PCSK5: variants seen among roughly 807,000 people sequenced by gnomAD.
PCSK5 encodes the protein prohormone convertase 5.
In PCSK5, 129 loss-of-function variants were observed where a neutral mutation model predicts 233.2. That is an observed-to-expected ratio of 0.55 (90% CI 0.48 to 0.64). The LOEUF (loss-of-function observed/expected upper bound fraction) is 0.64. PCSK5 is among the 30% of genes least tolerant of loss of function. PCSK5 has a pLI of 0.00. For synonymous variants in PCSK5, 825 were observed against 879.2 expected, an observed-to-expected ratio of 0.94 and a Z score of 1.09; for missense variants, 2,076 against 2,430.1, an observed-to-expected ratio of 0.85 and a Z score of 3.06.
In PCSK5 at chr9:76,295,306, G is replaced by A. The variant is rs374706228; in HGVS notation, c.3217G>A (p.Glu1073Lys). ...FDHHCYKTCPEKTYSEEVECK... is the reference protein window; with the variant it reads ...FDHHCYKTCPKKTYSEEVECK... ...TCACCATTGTTATAAAACCTGTCCT[G>A]AGAAGACCTACAGTGAGGAAGTGGA... The change falls in exon 26 of 38, where the codon GAG (glutamate) becomes AAG (lysine). Residue 1073 changes from glutamate (E) to lysine (K), a missense_variant. By Grantham distance (56) the Glu-to-Lys change is moderately conservative. Around this residue, in one of 6 missense-constraint regions of PCSK5, gnomAD observed 1,510 missense variants for 1,538.1 expected, o/e 0.98. Coordinates refer to ENST00000674117, the MANE Select transcript of PCSK5 (RefSeq NM_001372043.1). The A allele has an allele frequency of 1.1e-5, 18 of 1,611,712 alleles. No homozygotes were observed. Among genetic ancestry groups the A allele is most frequent in the South Asian group, 9.9e-5 (9 of 90,912 alleles).
intron 24 of PCSK5, among the ~76,000 whole-genome samples, chr9:76,263,777 A>G (rs1200819911): frequency 6.6e-6 from 1 of 151,972 alleles, no homozygotes; most frequent in African/African-American, 2.4e-5. Flanking sequence ...TTAAAGTATA[A>G]TAATAATAAA....
intron 24 of PCSK5, among the ~76,000 whole-genome samples, chr9:76,274,262 C>T (rs531181060): frequency 9.9e-5 from 15 of 152,056 alleles, no homozygotes; most frequent in Admixed American, 5.9e-4. Context: ...TTATGTCTAT[C>T]ACTTATAGAA....
chr9:75,995,777 A>ACACACACT (rs1826993246), intron 3 of PCSK5, among the ~76,000 whole-genome samples: 1 of 146,328 alleles, frequency 6.8e-6, no homozygotes, highest in South Asian at 2.2e-4. Context: ...ACACACACAC[A>ACACACACT]CACACTCACA....
At chr9:76,174,484 G>A (rs1273867085) in intron 13 of PCSK5, among the ~76,000 whole-genome samples, 1 of 150,766 alleles carries the variant, frequency 6.6e-6, no homozygotes, top group Non-Finnish European at 1.5e-5. Flanking sequence ...TTTTTTTTTT[G>A]TATTTTTAGT....
At chr9:76,325,202 A>G (rs1331228663) in intron 32 of PCSK5, among the ~76,000 whole-genome samples, 1 of 152,132 alleles carries the variant, frequency 6.6e-6, no homozygotes, top group African/African-American at 2.4e-5. Context: ...CTGGGAGGTG[A>G]GAGACTCAGC....
chr9:76,047,343 G>A (rs1829457614), intron 5 of PCSK5, among the ~76,000 whole-genome samples: 2 of 152,096 alleles, frequency 1.3e-5, no homozygotes, highest in African/African-American at 4.8e-5. Flanking sequence ...TGATCCGCGC[G>A]CCTCGGCCTC....
chr9:75,901,954 G>A (rs1308074317), intron 1 of PCSK5, among the ~76,000 whole-genome samples: 2 of 152,054 alleles, frequency 1.3e-5, no homozygotes, highest in African/African-American at 2.4e-5. Flanking sequence ...GGTGGCTCAC[G>A]CCTGTAATCC....
In PCSK5 at chr9:75,976,274, C is replaced by CCACACACA. The variant is rs10562995; in HGVS notation, c.298-9816_298-9809dup. ...CATGTTGGGTGCATACACACAGACA[C>CCACACACA]CACACACACACACACACACACACAC... On this transcript the variant is annotated intron_variant, in intron 2 of 37. Coordinates refer to ENST00000674117, the MANE Select transcript of PCSK5 (RefSeq NM_001372043.1). Among the ~76,000 whole-genome samples the CCACACACA allele has an allele frequency of 3.8e-3, 539 of 141,570 alleles. 2 individuals carry two copies. Among genetic ancestry groups the CCACACACA allele is most frequent in the African/African-American group, 0.012 (447 of 37,142 alleles). The allele number at this position is 141,570 out of a possible 152,430, so 92.9% of individuals were successfully genotyped here. A position where few individuals can be genotyped will look rare whatever the true frequency, so the allele number is the denominator to read the frequency against.
chr9:76,094,269 A>C (rs548280222), intron 7 of PCSK5, among the ~76,000 whole-genome samples: 1 of 151,590 alleles, frequency 6.6e-6, no homozygotes, highest in South Asian at 2.1e-4. Context: ...TTTTCCAGAA[A>C]TTCTAAGACA....
In PCSK5 at chr9:76,362,579, T is replaced by C. The variant is rs1830446707; in HGVS notation, c.*3657T>C. Among the ~76,000 whole-genome samples the C allele has an allele frequency of 6.6e-6, 1 of 152,216 alleles. No individual in the cohort carries two copies. The highest frequency in any genetic ancestry group is 2.4e-5 in the African/African-American group (1 of 41,464). Reference sequence around the variant, plus strand: ...ATCTAAGGGAGGAAACCACCCCTCATATTGTCTTATGCCCAATTTCTGCCT... The same window carrying C: ...ATCTAAGGGAGGAAACCACCCCTCACATTGTCTTATGCCCAATTTCTGCCT... On this transcript the variant is annotated 3_prime_UTR_variant, in exon 38 of 38. Transcript: ENST00000674117.
intron 20 of PCSK5, among the ~76,000 whole-genome samples, chr9:76,216,229 C>T (rs1825526000): frequency 6.6e-6 from 1 of 152,046 alleles, no homozygotes; most frequent in Non-Finnish European, 1.5e-5. Flanking sequence ...CTGGTGGAAC[C>T]CGGCGCTCTA....
rs549721002 is a variant in PCSK5, at chr9:76,270,082, T to C, written c.3143-22151T>C. Among the ~76,000 whole-genome samples, 17 of 152,026 alleles carry C rather than the reference T, an allele frequency of 1.1e-4. No homozygotes were observed. In the East Asian group the frequency reaches 3.3e-3, roughly 29 times the overall value. Reference sequence around the variant, plus strand: ...TCACACAGGATGTCTCTTAGATTTCTTTCTTCTTTTTTTCAGATAACAGGA... The same window carrying C: ...TCACACAGGATGTCTCTTAGATTTCCTTCTTCTTTTTTTCAGATAACAGGA... On this transcript the variant is annotated intron_variant, in intron 24 of 37. Transcript: ENST00000674117.
rs1826342753 is a variant in PCSK5 at position 76,239,002 on chromosome 9, A to G, written c.2910A>G (p.Gly970=). The change falls in exon 23 of 38, where the codon GGA becomes GGG. Residue 970 remains glycine, a synonymous_variant. Coordinates refer to ENST00000674117, the MANE Select transcript of PCSK5 (RefSeq NM_001372043.1). ...REHFLYQGEC[G]DSCPEGHYAT... ...ACTTCCTGTACCAGGGAGAGTGTGGAGATAGCTGCCCAGAGGGCCACTATG... is the reference window on the plus strand; with the variant it reads ...ACTTCCTGTACCAGGGAGAGTGTGGGGATAGCTGCCCAGAGGGCCACTATG... 3 of 1,612,312 alleles carry G rather than the reference A, an allele frequency of 1.9e-6. No individual in the cohort carries two copies. The highest frequency in any genetic ancestry group is 4.5e-5 in the East Asian group (2 of 44,842).
chr9:75,952,518 T>C (rs1824907046), intron 2 of PCSK5, among the ~76,000 whole-genome samples: 1 of 152,188 alleles, frequency 6.6e-6, no homozygotes, highest in Non-Finnish European at 1.5e-5. Flanking sequence ...CTGTTGAATT[T>C]TGACAAATGT....
chr9:76,194,853 G>C lies in PCSK5; in HGVS notation c.2626+5107G>C. Reference sequence around the variant, plus strand: ...GCCATCTTGCAGGCTTCATGCTTCTGAGAGCCTTACTTAGAAGATGCTGCT... The same window carrying C: ...GCCATCTTGCAGGCTTCATGCTTCTCAGAGCCTTACTTAGAAGATGCTGCT... On this transcript the variant is annotated intron_variant, in intron 20 of 37. Coordinates refer to ENST00000674117, the MANE Select transcript of PCSK5 (RefSeq NM_001372043.1). 3 of 415,398 alleles carry C rather than the reference G, an allele frequency of 7.2e-6. 1 individual carries two copies. Among genetic ancestry groups the C allele is most frequent in the South Asian group, 3.6e-5 (2 of 54,892 alleles). 25.7% of individuals were successfully genotyped at this position (415,398 alleles called of 1,614,324 possible). A position where few individuals can be genotyped will look rare whatever the true frequency, so the allele number is the denominator to read the frequency against.
intron 12 of PCSK5, among the ~76,000 whole-genome samples, chr9:76,163,754 T>C (rs1180394787): frequency 6.6e-6 from 1 of 152,146 alleles, no homozygotes; most frequent in African/African-American, 2.4e-5. Flanking sequence ...TAAGCCTATA[T>C]ACTATGACAC....
At chr9:76,106,194 C>A (rs529353577) in intron 8 of PCSK5, among the ~76,000 whole-genome samples, 1 of 152,112 alleles carries the variant, frequency 6.6e-6, no homozygotes, top group Non-Finnish European at 1.5e-5. Context: ...TGCCTTGATG[C>A]GAAAGACAGA....
At chr9:76,137,165 A>G (rs1823020021) in intron 10 of PCSK5, among the ~76,000 whole-genome samples, 1 of 152,092 alleles carries the variant, frequency 6.6e-6, no homozygotes, top group Non-Finnish European at 1.5e-5. Context: ...ACTGGCTTGG[A>G]CAGATTCTCA....
At chr9:76,097,336 T>C (rs1831575236) in intron 8 of PCSK5, among the ~76,000 whole-genome samples, 1 of 128,834 alleles carries the variant, frequency 7.8e-6, no homozygotes, top group Non-Finnish European at 1.5e-5. Flanking sequence ...CTCGGCTCAC[T>C]GCAAGCTCCG....
Sources: allele counts gnomAD v4.1 joint callset (sites outside exome capture counted in the v4.1 genomes callset), GRCh38; gene constraint gnomAD v4.1.1; regional missense constraint gnomAD v4.1.1; transcripts MANE v1.5; gene names NCBI Gene and HGNC (gene_info 2026-07-23, HGNC 2026-07-21).